CCNK: variants seen among roughly 807,000 people sequenced by gnomAD.
CCNK encodes cyclin-K.
Under a neutral mutation model 65.0 loss-of-function variants are expected in CCNK, and 9 were observed. The observed-to-expected ratio is 0.14, with a 90% CI of 0.08 to 0.24. The LOEUF is 0.24. Among genes scored for constraint, CCNK ranks in the 10% least tolerant of loss-of-function variants. CCNK has a pLI of 1.00. For synonymous variants in CCNK, 279 were observed against 270.8 expected, an observed-to-expected ratio of 1.03 and a Z score of -0.30; for missense variants, 474 against 720.0, an observed-to-expected ratio of 0.66 and a Z score of 3.91.
intron 1 of CCNK, among the ~76,000 whole-genome samples, chr14:99,489,386 C>T (rs1033164130): frequency 2.6e-5 from 4 of 152,086 alleles, no homozygotes; most frequent in African/African-American, 9.7e-5. Context: ...TTCGTTGGGG[C>T]CAGCCACTGT....
chr14:99,495,269 CT>C (rs952804113), intron 3 of CCNK: 192 of 258,292 alleles, frequency 7.4e-4, no homozygotes, highest in Middle Eastern at 1.1e-3. Flanking sequence ...GTTTACATGA[CT>C]TTTTTTTTAA....
chr14:99,501,313 T>G, intron 5 of CCNK, 43 bp from the exon 6 acceptor site: 1 of 1,293,554 alleles, frequency 7.7e-7, no homozygotes, highest in Non-Finnish European at 1.1e-6. Flanking sequence ...TGCCTGTGAA[T>G]TTTTCTATTG....
At chr14:99,491,049 G>T (rs1250374408) in intron 1 of CCNK, among the ~76,000 whole-genome samples, 2 of 151,834 alleles carry the variant, frequency 1.3e-5, no homozygotes, top group African/African-American at 4.8e-5. Flanking sequence ...AGTACTTAAC[G>T]ATGTTTCTCA....
intron 1 of CCNK, among the ~76,000 whole-genome samples, chr14:99,487,198 T>C (rs982408883): frequency 3.3e-5 from 5 of 152,236 alleles, no homozygotes; most frequent in Non-Finnish European, 7.3e-5. Context: ...TTAACACTTA[T>C]TAATAATCAA....
At position 99,502,981 on chromosome 14, in the gene CCNK, C is replaced by T. The variant is rs765452231; in HGVS notation, c.1008C>T (p.Ala336=). ...GTTCTCCCCGACAGGTTAAGCGAGCCGTGGTGAGTGGGCTAAAGCAGGCCC... is the reference window on the plus strand; with the variant it reads ...GTTCTCCCCGACAGGTTAAGCGAGCTGTGGTGAGTGGGCTAAAGCAGGCCC... ...QPSSPRQVKR[A]VVVSPKEENK... is the part of the protein sequence containing the mutation. The change falls in exon 8 of 11, where the codon GCC becomes GCT. Residue 336 remains alanine, a synonymous_variant. Coordinates refer to ENST00000389879, the MANE Select transcript of CCNK (RefSeq NM_001099402.2). 6.8e-6 allele frequency: 11 copies of T among 1,613,868 alleles called. No homozygotes were observed. Among genetic ancestry groups the T allele is most frequent in the East Asian group, 6.7e-5 (3 of 44,886 alleles).
In CCNK at chr14:99,493,583, A is replaced by G. The variant is rs760820608; in HGVS notation, c.267A>G (p.Gln89=). 2 of 1,599,502 alleles carry G rather than the reference A, an allele frequency of 1.3e-6. No homozygotes were observed. Among genetic ancestry groups the G allele is most frequent in the South Asian group, 1.1e-5 (1 of 90,546 alleles). ...HRFYMFHSFK[Q]FPRYVTGACC... is the part of the protein sequence containing the mutation. ...TCTATATGTTTCATTCCTTCAAGCAATTCCCAAGATATGTAAGTGTTTGAA... is the reference window on the plus strand; with the variant it reads ...TCTATATGTTTCATTCCTTCAAGCAGTTCCCAAGATATGTAAGTGTTTGAA... The change falls in exon 3 of 11, where the codon CAA becomes CAG. Residue 89 remains glutamine (Q), a synonymous_variant. Transcript: ENST00000389879.
intron 1 of CCNK, among the ~76,000 whole-genome samples, chr14:99,488,957 A>G (rs926229247): frequency 5.1e-5 from 7 of 137,932 alleles, no homozygotes; most frequent in Non-Finnish European, 7.8e-5. Flanking sequence ...CAGCAGTCCT[A>G]TGTCTTTTGA....
chr14:99,505,404 A>G (rs995752406), intron 9 of CCNK: 1 of 152,400 alleles, frequency 6.6e-6, no homozygotes, highest in Admixed American at 6.5e-5. Context: ...TGACAATGCA[A>G]AATACACAGA....
At chr14:99,499,037 ATTGTT>A (rs987759832) in intron 4 of CCNK, among the ~76,000 whole-genome samples, 5 of 152,212 alleles carry the variant, frequency 3.3e-5, no homozygotes, top group South Asian at 2.1e-4. Context: ...AAAGAAAAAA[ATTGTT>A]TTGTTTTGTT....
At chr14:99,489,305 C>CA (rs1004779258) in intron 1 of CCNK, among the ~76,000 whole-genome samples, 13 of 149,444 alleles carry the variant, frequency 8.7e-5, no homozygotes, top group Admixed American at 3.3e-4. Context: ...CCACAACATG[C>CA]AAAAAAAAAT....
chr14:99,487,035 T>C (rs1896503194), intron 1 of CCNK, among the ~76,000 whole-genome samples: 1 of 152,222 alleles, frequency 6.6e-6, no homozygotes, highest in Admixed American at 6.5e-5. Flanking sequence ...TCAGGAAATA[T>C]TTAAATGAAA....
rs773130579 is a variant in CCNK, at chr14:99,501,428, A to G, written c.575+15A>G. 2.6e-6 allele frequency: 4 copies of G among 1,510,504 alleles called. No homozygotes were observed. The highest frequency in any genetic ancestry group is 2.3e-5 in the South Asian group (2 of 88,552). The allele number at this position is 1,510,504 out of a possible 1,614,324, so 93.6% of individuals were successfully genotyped here. On this transcript the variant is annotated intron_variant, in intron 6 of 10. Transcript: ENST00000389879. ...GTAAATGACAGGTATACATGTTCAA[A>G]TGTTGATTAATTACAGTATTTTAAA... is the stretch of plus-strand genomic sequence containing the variant.
Position 99,502,906 on chromosome 14 carries a change from CCAG to C in CCNK, c.944_946del (p.Gln315del), listed in dbSNP as rs761142587. The C allele has an allele frequency of 6.2e-7, 1 of 1,613,726 alleles. No individual in the cohort carries two copies. The highest frequency in any genetic ancestry group is 8.5e-7 in the Non-Finnish European group (1 of 1,179,776). ...AGCAGAAGGACCCCCAGCAACCAGC[CCAG>C]CAGCAGCAGCCAGCCCAACAGCCCA... On this transcript the variant is annotated inframe_deletion, in exon 8 of 11. Transcript: ENST00000389879.
chr14:99,505,125 G>A (rs1396951698), intron 9 of CCNK: 1 of 152,312 alleles, frequency 6.6e-6, no homozygotes, highest in African/African-American at 2.4e-5. Flanking sequence ...GGAAGCCATT[G>A]GAGATTTAGC....
chr14:99,502,125 T>C (rs1896845879), intron 6 of CCNK, 82 bp from the exon 7 acceptor site: 1 of 1,376,356 alleles, frequency 7.3e-7, no homozygotes, highest in African/African-American at 1.5e-5. Flanking sequence ...AAATTAATGG[T>C]TAGTTATGGC....
At chr14:99,505,898 T>C (rs1458362006) in intron 9 of CCNK, 3 of 152,286 alleles carry the variant, frequency 2.0e-5, no homozygotes, top group Non-Finnish European at 4.4e-5. Context: ...ATTGTAGATA[T>C]GTGGCTCTCA....
intron 10 of CCNK, chr14:99,509,918 A>G: frequency 3.4e-6 from 2 of 582,288 alleles, no homozygotes; most frequent in South Asian, 4.1e-5. Flanking sequence ...TGGTGTGGTC[A>G]GGGCTGAGGG....
chr14:99,493,697 A>G, intron 3 of CCNK, 102 bp downstream of exon 3: 1 of 810,810 alleles, frequency 1.2e-6, no homozygotes, highest in Non-Finnish European at 1.9e-6. Flanking sequence ...TTTTCCAGAA[A>G]GTATTTATTT....
At position 99,484,813 on chromosome 14, in the gene CCNK, G is replaced by T. The variant is rs1423301514; in HGVS notation, c.-53+3334G>T. 2.0e-5 allele frequency among the ~76,000 whole-genome samples: 3 copies of T among 152,222 alleles called. No homozygotes were observed. The East Asian group carries it at 5.8e-4, about 29-fold the overall frequency. The stretch of plus-strand genomic sequence containing the variant: ...CGATATTGGGTGAGATAATTGAGTG[G>T]TGACATTTACTATTGTTTCCATAAT... On this transcript the variant is annotated intron_variant, in intron 1 of 10. Transcript: ENST00000389879.
Sources: gnomAD v4.1 joint callset for allele counts (sites outside exome capture counted in the v4.1 genomes callset) on GRCh38, gnomAD v4.1.1 for gene constraint, MANE v1.5 for transcripts, NCBI Gene and HGNC (gene_info 2026-07-23, HGNC 2026-07-21) for gene names.